OMP: variants seen among roughly 807,000 people sequenced by gnomAD.
OMP encodes the protein olfactory marker protein, also known as olfactory neuronal-specific protein.
OMP carries 6 observed loss-of-function variants against 12.0 expected under a neutral mutation model. The observed-to-expected ratio is 0.50, with a 90% confidence interval of 0.27 to 0.99. OMP has a LOEUF of 0.99. Ranked by LOEUF, OMP falls within the 50% of genes least tolerant of loss-of-function variation. OMP has a pLI of 0.11. For missense variants in OMP, 237 were observed against 225.0 expected, an observed-to-expected ratio of 1.05 and a Z score of -0.34; for synonymous variants, 81 against 101.0, an observed-to-expected ratio of 0.80 and a Z score of 1.19.
At position 77,103,266 on chromosome 11, in the gene OMP, G is replaced by C. The variant is rs376786233; in HGVS notation, c.427G>C (p.Val143Leu). ...GATCCGCAAGGTCATGTACTTCCTCGTCACCTTTGGCGAGGGTGTGGAGCC... is the reference window on the plus strand; with the variant it reads ...GATCCGCAAGGTCATGTACTTCCTCCTCACCTTTGGCGAGGGTGTGGAGCC... Reference protein sequence around the residue: ...AKIRKVMYFLVTFGEGVEPAN... With the variant: ...AKIRKVMYFLLTFGEGVEPAN... Residue 143 changes from valine (V) to leucine (L), a missense_variant, in exon 1 of 1, where the codon GTC (valine) becomes CTC (leucine). By Grantham distance (32) the Val-to-Leu change is conservative (BLOSUM62 1). Transcript: ENST00000529803. 2.1e-5 allele frequency: 34 copies of C among 1,613,190 alleles called. No individual in the cohort carries two copies. Among genetic ancestry groups the C allele is most frequent in the Non-Finnish European group, 2.7e-5 (32 of 1,179,882 alleles).
At position 77,102,912 on chromosome 11, in the gene OMP, A is replaced by G; in HGVS notation, c.73A>G (p.Met25Val). ...CCTGGACCAGGGCCTGACCAGGCAGATGCGGCTACGCGTGGAGAGCCTGAA... is the reference window on the plus strand; with the variant it reads ...CCTGGACCAGGGCCTGACCAGGCAGGTGCGGCTACGCGTGGAGAGCCTGAA... ...LVLDQGLTRQMRLRVESLKQR... is the reference protein window; with the variant it reads ...LVLDQGLTRQVRLRVESLKQR... Residue 25 changes from methionine to valine, a missense_variant, in exon 1 of 1, where the codon ATG (methionine) becomes GTG (valine). Coordinates refer to ENST00000529803, the MANE Select transcript of OMP (RefSeq NM_006189.1). The G allele has an allele frequency of 6.2e-7, 1 of 1,612,856 alleles. No individual in the cohort carries two copies. The highest frequency in any genetic ancestry group is 8.5e-7 in the Non-Finnish European group (1 of 1,179,886).
chr11:77,103,289 G>A lies in OMP; in HGVS notation c.450G>A (p.Glu150=), dbSNP rs574557269. The A allele has an allele frequency of 3.7e-6, 6 of 1,612,688 alleles. No individual in the cohort carries two copies. In the Admixed American group the frequency reaches 1.0e-4, roughly 27 times the overall value. The change falls in exon 1 of 1, where the codon GAG becomes GAA. Residue 150 remains glutamate, a synonymous_variant. Coordinates refer to ENST00000529803, the MANE Select transcript of OMP (RefSeq NM_006189.1). ...YFLVTFGEGV[E]PANLKASVVF... is the part of the protein sequence containing the mutation. ...TCGTCACCTTTGGCGAGGGTGTGGA[G>A]CCCGCCAACCTCAAGGCCTCCGTGG...
chr11:77,103,203 G>A lies in OMP; in HGVS notation c.364G>A (p.Ala122Thr), dbSNP rs782632842. ...TGCCATAGATTGGAATGAGGCCGAC[G>A]CCCTGGAGTTTGGGGAGCGCCTGTC... ...SDAIDWNEADALEFGERLSDL... is the reference protein window; with the variant it reads ...SDAIDWNEADTLEFGERLSDL... The change falls in exon 1 of 1, where the codon GCC becomes ACC. Residue 122 changes from alanine to threonine, a missense_variant. By Grantham distance (58) the Ala-to-Thr change is moderately conservative. Coordinates refer to ENST00000529803, the MANE Select transcript of OMP (RefSeq NM_006189.1). The A allele has an allele frequency of 1.5e-5, 24 of 1,613,576 alleles. No homozygotes were observed. The highest frequency in any genetic ancestry group is 4.0e-5 in the African/African-American group (3 of 74,888).
At position 77,103,126 on chromosome 11, in the gene OMP, C is replaced by T; in HGVS notation, c.287C>T (p.Thr96Ile). 6.2e-7 allele frequency: 1 copy of T among 1,613,874 alleles called. No homozygotes were observed. Among genetic ancestry groups the T allele is most frequent in the Non-Finnish European group, 8.5e-7 (1 of 1,179,872 alleles). ...NWTPDLTNLM[T>I]RQLLDPTAIF... ...ACGCCTGACCTCACCAACCTCATGA[C>T]ACGCCAGCTGCTGGACCCCACTGCC... Residue 96 changes from threonine (T) to isoleucine (I), a missense_variant, in exon 1 of 1, where the codon ACA (threonine) becomes ATA (isoleucine). Thr to Ile is a moderately conservative substitution (Grantham distance 89, BLOSUM62 -1). Transcript: ENST00000529803.
rs1362636600 is a variant in OMP, at chr11:77,103,281, G to A, written c.442G>A (p.Gly148Ser). The stretch of plus-strand genomic sequence containing the variant: ...GTACTTCCTCGTCACCTTTGGCGAG[G>A]GTGTGGAGCCCGCCAACCTCAAGGC... ...VMYFLVTFGE[G>S]VEPANLKASV... Residue 148 changes from glycine to serine, a missense_variant, in exon 1 of 1, where the codon GGT becomes AGT. Coordinates refer to ENST00000529803, the MANE Select transcript of OMP (RefSeq NM_006189.1). The A allele has an allele frequency of 6.2e-7, 1 of 1,612,756 alleles. No homozygotes were observed. Among genetic ancestry groups the A allele is most frequent in the Non-Finnish European group, 8.5e-7 (1 of 1,179,718 alleles).
chr11:77,103,150 C>A lies in OMP; in HGVS notation c.311C>A (p.Ala104Asp). Reference protein sequence around the residue: ...LMTRQLLDPTAIFWRKEDSDA... With the variant: ...LMTRQLLDPTDIFWRKEDSDA... ...ACACGCCAGCTGCTGGACCCCACTG[C>A]CATCTTCTGGCGCAAGGAGGACTCG... is the stretch of plus-strand genomic sequence containing the variant. The change falls in exon 1 of 1, where the codon GCC (alanine) becomes GAC (aspartate). Residue 104 changes from alanine (A) to aspartate (D), a missense_variant. Ala to Asp is a moderately radical substitution (Grantham distance 126, BLOSUM62 -2). Coordinates refer to ENST00000529803, the MANE Select transcript of OMP (RefSeq NM_006189.1). The A allele has an allele frequency of 6.2e-7, 1 of 1,613,846 alleles. No homozygotes were observed. The highest frequency in any genetic ancestry group is 8.5e-7 in the Non-Finnish European group (1 of 1,179,892).
At position 77,103,170 on chromosome 11, in the gene OMP, G is replaced by A. The variant is rs1950306431; in HGVS notation, c.331G>A (p.Asp111Asn). 2 of 1,613,718 alleles carry A rather than the reference G, an allele frequency of 1.2e-6. No individual in the cohort carries two copies. The highest frequency in any genetic ancestry group is 1.7e-6 in the Non-Finnish European group (2 of 1,179,894). The change falls in exon 1 of 1, where the codon GAC becomes AAC. Residue 111 changes from aspartate to asparagine, a missense_variant. Coordinates refer to ENST00000529803, the MANE Select transcript of OMP (RefSeq NM_006189.1). ...DPTAIFWRKE[D>N]SDAIDWNEAD... ...CACTGCCATCTTCTGGCGCAAGGAG[G>A]ACTCGGATGCCATAGATTGGAATGA...
Position 77,103,118 on chromosome 11 carries a change from C to A in OMP, c.279C>A (p.Asn93Lys). 1.2e-6 allele frequency: 2 copies of A among 1,613,918 alleles called. No homozygotes were observed. The highest frequency in any genetic ancestry group is 2.2e-5 in the South Asian group (2 of 91,074). The change falls in exon 1 of 1, where the codon AAC becomes AAA. Residue 93 changes from asparagine (N) to lysine (K), a missense_variant. By Grantham distance (94) the Asn-to-Lys change is moderately conservative (BLOSUM62 0). Coordinates refer to ENST00000529803, the MANE Select transcript of OMP (RefSeq NM_006189.1). The stretch of plus-strand genomic sequence containing the variant: ...AGAACTGGACGCCTGACCTCACCAA[C>A]CTCATGACACGCCAGCTGCTGGACC... ...TSQNWTPDLT[N>K]LMTRQLLDPT...
In OMP at chr11:77,103,192, A is replaced by T; in HGVS notation, c.353A>T (p.Asn118Ile). ...RKEDSDAIDW[N>I]EADALEFGER... ...GAGGACTCGGATGCCATAGATTGGA[A>T]TGAGGCCGACGCCCTGGAGTTTGGG... Residue 118 changes from asparagine to isoleucine, a missense_variant, in exon 1 of 1, where the codon AAT (asparagine) becomes ATT (isoleucine). Transcript: ENST00000529803. 6.2e-7 allele frequency: 1 copy of T among 1,613,752 alleles called. No homozygotes were observed. The highest frequency in any genetic ancestry group is 8.5e-7 in the Non-Finnish European group (1 of 1,179,876).
In OMP at chr11:77,102,874, A is replaced by C. The variant is rs781885739; in HGVS notation, c.35A>C (p.Asp12Ala). ...GACAGGCCGCAGCAGCCGCAGCTGGACATGCCGCTGGTCCTGGACCAGGGC... is the reference window on the plus strand; with the variant it reads ...GACAGGCCGCAGCAGCCGCAGCTGGCCATGCCGCTGGTCCTGGACCAGGGC... ...AEDRPQQPQLDMPLVLDQGLT... is the reference protein window; with the variant it reads ...AEDRPQQPQLAMPLVLDQGLT... The change falls in exon 1 of 1, where the codon GAC becomes GCC. Residue 12 changes from aspartate (D) to alanine (A), a missense_variant. Transcript: ENST00000529803. 4 of 1,608,916 alleles carry C rather than the reference A, an allele frequency of 2.5e-6. No individual in the cohort carries two copies. In the African/African-American group the frequency reaches 5.3e-5, roughly 21 times the overall value.
Position 77,103,175 on chromosome 11 carries a change from G to A in OMP, c.336G>A (p.Ser112=), listed in dbSNP as rs367800134. ...CCATCTTCTGGCGCAAGGAGGACTC[G>A]GATGCCATAGATTGGAATGAGGCCG... ...PTAIFWRKED[S]DAIDWNEADA... The change falls in exon 1 of 1, where the codon TCG becomes TCA. Residue 112 remains serine, a synonymous_variant. Transcript: ENST00000529803. 1.8e-5 allele frequency: 29 copies of A among 1,613,824 alleles called. No homozygotes were observed. The highest frequency in any genetic ancestry group is 2.2e-5 in the East Asian group (1 of 44,882).
rs1447679388 is a variant in OMP at position 77,103,240 on chromosome 11, A to G, written c.401A>G (p.Lys134Arg). 12 of 1,613,490 alleles carry G rather than the reference A, an allele frequency of 7.4e-6. No individual in the cohort carries two copies. Among genetic ancestry groups the G allele is most frequent in the African/African-American group, 1.3e-5 (1 of 74,924 alleles). Residue 134 changes from lysine (K) to arginine (R), a missense_variant, in exon 1 of 1, where the codon AAG (lysine) becomes AGG (arginine). Physicochemically the swap from Lys to Arg is conservative, Grantham distance 26 (BLOSUM62 2). Coordinates refer to ENST00000529803, the MANE Select transcript of OMP (RefSeq NM_006189.1). ...EFGERLSDLA[K>R]IRKVMYFLVT... Reference sequence around the variant, plus strand: ...GGGGAGCGCCTGTCGGACCTGGCCAAGATCCGCAAGGTCATGTACTTCCTC... The same window carrying G: ...GGGGAGCGCCTGTCGGACCTGGCCAGGATCCGCAAGGTCATGTACTTCCTC...
rs1555039282 is a variant in OMP at position 77,103,237 on chromosome 11, C to T, written c.398C>T (p.Ala133Val). The change falls in exon 1 of 1, where the codon GCC becomes GTC. Residue 133 changes from alanine to valine, a missense_variant. By Grantham distance (64) the Ala-to-Val change is moderately conservative. Transcript: ENST00000529803. ...LEFGERLSDL[A>V]KIRKVMYFLV... is the part of the protein sequence containing the mutation. ...TTTGGGGAGCGCCTGTCGGACCTGG[C>T]CAAGATCCGCAAGGTCATGTACTTC... The T allele has an allele frequency of 1.2e-6, 2 of 1,613,584 alleles. No homozygotes were observed. The highest frequency in any genetic ancestry group is 1.7e-6 in the Non-Finnish European group (2 of 1,179,880).
In OMP at chr11:77,103,111, T is replaced by C. The variant is rs1555039224; in HGVS notation, c.272T>C (p.Leu91Pro). Residue 91 changes from leucine to proline, a missense_variant, in exon 1 of 1, where the codon CTC (leucine) becomes CCC (proline). Physicochemically the swap from Leu to Pro is moderately conservative, Grantham distance 98. Coordinates refer to ENST00000529803, the MANE Select transcript of OMP (RefSeq NM_006189.1). ...TGTSQNWTPD[L>P]TNLMTRQLLD... is the part of the protein sequence containing the mutation. Reference sequence around the variant, plus strand: ...ACCTCGCAGAACTGGACGCCTGACCTCACCAACCTCATGACACGCCAGCTG... The same window carrying C: ...ACCTCGCAGAACTGGACGCCTGACCCCACCAACCTCATGACACGCCAGCTG... 3.7e-6 allele frequency: 6 copies of C among 1,613,740 alleles called. No homozygotes were observed. The highest frequency in any genetic ancestry group is 5.1e-6 in the Non-Finnish European group (6 of 1,179,884).
chr11:77,103,056 G>A lies in OMP; in HGVS notation c.217G>A (p.Asp73Asn), dbSNP rs1555039196. 1.2e-6 allele frequency: 2 copies of A among 1,613,596 alleles called. No individual in the cohort carries two copies. The highest frequency in any genetic ancestry group is 8.5e-7 in the Non-Finnish European group (1 of 1,179,902). ...LQFERWNVVL[D>N]KPGKVTITGT... ...GTTCGAGCGCTGGAATGTCGTGCTG[G>A]ACAAGCCGGGCAAGGTCACCATCAC... The change falls in exon 1 of 1, where the codon GAC (aspartate) becomes AAC (asparagine). Residue 73 changes from aspartate (D) to asparagine (N), a missense_variant. Transcript: ENST00000529803.
Position 77,102,844 on chromosome 11 carries a change from C to T in OMP, c.5C>T (p.Ala2Val), listed in dbSNP as rs377332003. The T allele has an allele frequency of 1.1e-5, 18 of 1,585,302 alleles. No individual in the cohort carries two copies. The highest frequency in any genetic ancestry group is 4.1e-4 in the Middle Eastern group (2 of 4,864). Residue 2 changes from alanine to valine, a missense_variant, in exon 1 of 1, where the codon GCG becomes GTG. Physicochemically the swap from Ala to Val is moderately conservative, Grantham distance 64. Coordinates refer to ENST00000529803, the MANE Select transcript of OMP (RefSeq NM_006189.1). ...GGTGGCAGCAGCACTTGGGCCATGGCGGAGGACAGGCCGCAGCAGCCGCAG... is the reference window on the plus strand; with the variant it reads ...GGTGGCAGCAGCACTTGGGCCATGGTGGAGGACAGGCCGCAGCAGCCGCAG... Reference protein sequence around the residue: MAEDRPQQPQLD... With the variant: MVEDRPQQPQLD...
chr11:77,103,213 T>C lies in OMP; in HGVS notation c.374T>C (p.Phe125Ser), dbSNP rs782299955. 3 of 1,613,660 alleles carry C rather than the reference T, an allele frequency of 1.9e-6. No homozygotes were observed. In the South Asian group the frequency reaches 3.3e-5, roughly 18 times the overall value. The change falls in exon 1 of 1, where the codon TTT (phenylalanine) becomes TCT (serine). Residue 125 changes from phenylalanine (F) to serine (S), a missense_variant. By Grantham distance (155) the Phe-to-Ser change is radical. Coordinates refer to ENST00000529803, the MANE Select transcript of OMP (RefSeq NM_006189.1). ...TGGAATGAGGCCGACGCCCTGGAGT[T>C]TGGGGAGCGCCTGTCGGACCTGGCC... ...IDWNEADALE[F>S]GERLSDLAKI...
At position 77,102,908 on chromosome 11, in the gene OMP, G is replaced by T; in HGVS notation, c.69G>T (p.Arg23Ser). The change falls in exon 1 of 1, where the codon AGG becomes AGT. Residue 23 changes from arginine to serine, a missense_variant. By Grantham distance (110) the Arg-to-Ser change is moderately radical. Transcript: ENST00000529803. ...MPLVLDQGLT[R>S]QMRLRVESLK... ...TGGTCCTGGACCAGGGCCTGACCAGGCAGATGCGGCTACGCGTGGAGAGCC... is the reference window on the plus strand; with the variant it reads ...TGGTCCTGGACCAGGGCCTGACCAGTCAGATGCGGCTACGCGTGGAGAGCC... 1 of 1,612,720 alleles carries T rather than the reference G, an allele frequency of 6.2e-7. No homozygotes were observed. The highest frequency in any genetic ancestry group is 8.5e-7 in the Non-Finnish European group (1 of 1,179,878).
chr11:77,103,015 A>G lies in OMP; in HGVS notation c.176A>G (p.Gln59Arg), dbSNP rs781859085. The G allele has an allele frequency of 3.1e-6, 5 of 1,613,636 alleles. No homozygotes were observed. Among genetic ancestry groups the G allele is most frequent in the Non-Finnish European group, 3.4e-6 (4 of 1,179,886 alleles). ...AESVYRLNFT[Q>R]QQRLQFERWN... ...TCTGTGTACCGCCTCAACTTCACCC[A>G]GCAGCAGCGGCTACAGTTCGAGCGC... Residue 59 changes from glutamine (Q) to arginine (R), a missense_variant, in exon 1 of 1, where the codon CAG becomes CGG. Physicochemically the swap from Gln to Arg is conservative, Grantham distance 43 (BLOSUM62 1). Transcript: ENST00000529803.
Sources: gnomAD v4.1 joint callset for allele counts on GRCh38, gnomAD v4.1.1 for gene constraint, MANE v1.5 for transcripts, NCBI Gene and HGNC (gene_info 2026-07-23, HGNC 2026-07-21) for gene names.